MEIKIN: variants seen among roughly 807,000 people sequenced by gnomAD.
MEIKIN encodes the protein meiotic kinetochore factor.
At position 131,849,653 on chromosome 5, in the gene MEIKIN, G is replaced by C. The variant is rs141207409; in HGVS notation, c.975+1611C>G. On this transcript the variant is annotated intron_variant, in intron 11 of 12. Coordinates refer to ENST00000442687, the MANE Select transcript of MEIKIN (RefSeq NM_001303622.2). Reference sequence around the variant, plus strand: ...ACCTCTTTTCTTTATAAATTACCCAGTCTCAGGTATTTCTTTATAGCAATG... The same window carrying C: ...ACCTCTTTTCTTTATAAATTACCCACTCTCAGGTATTTCTTTATAGCAATG... Among the ~76,000 whole-genome samples the C allele has an allele frequency of 7.2e-3, 1,081 of 149,208 alleles. 45 individuals are homozygous for C. The highest frequency in any genetic ancestry group is 0.065 in the Admixed American group (963 of 14,872).
At chr5:131,819,876 C>G (rs1280018361) in intron 11 of MEIKIN, among the ~76,000 whole-genome samples, 1 of 139,270 alleles carries the variant, frequency 7.2e-6, no homozygotes, top group African/African-American at 2.7e-5. Flanking sequence ...CCCGGGTTCA[C>G]GCCATTCTCC....
At chr5:131,916,246 TCA>T (rs1561754213) in intron 7 of MEIKIN, among the ~76,000 whole-genome samples, 1 of 152,236 alleles carries the variant, frequency 6.6e-6, no homozygotes, top group African/African-American at 2.4e-5. Flanking sequence ...TTTACAATTG[TCA>T]CTGTCATTTA....
intron 11 of MEIKIN, among the ~76,000 whole-genome samples, chr5:131,839,659 T>C (rs1042141762): frequency 1.3e-5 from 2 of 152,222 alleles, no homozygotes; most frequent in African/African-American, 4.8e-5. Flanking sequence ...TGTCAGAAAC[T>C]TGGATTGCAA....
At chr5:131,865,814 T>C (rs932983598) in intron 9 of MEIKIN, among the ~76,000 whole-genome samples, 2 of 152,252 alleles carry the variant, frequency 1.3e-5, no homozygotes, top group Non-Finnish European at 2.9e-5. Flanking sequence ...ATCAGTGTTA[T>C]CTGTGATTTC....
chr5:131,844,855 G>A (rs1246717039), intron 11 of MEIKIN, among the ~76,000 whole-genome samples: 1 of 152,116 alleles, frequency 6.6e-6, no homozygotes, highest in East Asian at 1.9e-4. Context: ...GACAGTGACT[G>A]TGCATGTCTA....
chr5:131,881,753 T>C (rs1438014622), intron 8 of MEIKIN, among the ~76,000 whole-genome samples: 2 of 152,208 alleles, frequency 1.3e-5, no homozygotes, highest in Non-Finnish European at 2.9e-5. Context: ...AGATACAAAA[T>C]ATTTCCAGCA....
intron 9 of MEIKIN, among the ~76,000 whole-genome samples, chr5:131,866,061 G>C (rs1260146892): frequency 6.6e-6 from 1 of 152,232 alleles, no homozygotes; most frequent in African/African-American, 2.4e-5. Flanking sequence ...AGGCTGTGCA[G>C]GTGGGTGAAT....
At chr5:131,926,560 G>T (rs1375283298) in intron 5 of MEIKIN, among the ~76,000 whole-genome samples, 2 of 152,140 alleles carry the variant, frequency 1.3e-5, no homozygotes, top group African/African-American at 4.8e-5. Flanking sequence ...GAATTAGTTT[G>T]AAAGTGTCTT....
chr5:131,838,829 T>C (rs1248301445), intron 11 of MEIKIN, among the ~76,000 whole-genome samples: 1 of 152,098 alleles, frequency 6.6e-6, no homozygotes, highest in Non-Finnish European at 1.5e-5. Flanking sequence ...ATCTTTTGAA[T>C]GGTTTTTCAT....
chr5:131,895,895 C>T (rs1050680371), intron 8 of MEIKIN, among the ~76,000 whole-genome samples: 4 of 152,136 alleles, frequency 2.6e-5, no homozygotes, highest in African/African-American at 9.7e-5. Context: ...TTCAGTTCTG[C>T]TCTGATCTTA....
intron 12 of MEIKIN, among the ~76,000 whole-genome samples, chr5:131,808,800 G>A (rs1248389268): frequency 1.3e-5 from 2 of 152,200 alleles, no homozygotes; most frequent in African/African-American, 4.8e-5. Context: ...TTTGGGCCAA[G>A]TGTGGTGTCT....
At chr5:131,829,973 A>G (rs893225024) in intron 11 of MEIKIN, among the ~76,000 whole-genome samples, 1 of 152,224 alleles carries the variant, frequency 6.6e-6, no homozygotes, top group African/African-American at 2.4e-5. Context: ...GTTCTTTGTT[A>G]CAGCATCTTT....
At chr5:131,866,392 C>A (rs929505417) in intron 9 of MEIKIN, among the ~76,000 whole-genome samples, 1 of 152,126 alleles carries the variant, frequency 6.6e-6, no homozygotes, top group African/African-American at 2.4e-5. Context: ...CCTTTAGGCC[C>A]CCTCATGGTG....
chr5:131,922,901 A>G (rs1751529130), intron 5 of MEIKIN, among the ~76,000 whole-genome samples: 1 of 151,982 alleles, frequency 6.6e-6, no homozygotes, highest in Admixed American at 6.6e-5. Flanking sequence ...ACACACACAC[A>G]CACTTTTTTG....
At chr5:131,913,748 T>A (rs1043672152) in intron 7 of MEIKIN, among the ~76,000 whole-genome samples, 2 of 152,202 alleles carry the variant, frequency 1.3e-5, no homozygotes, top group African/African-American at 4.8e-5. Context: ...TTTGTGTTCA[T>A]CAGTAAGGCC....
At chr5:131,831,907 T>C (rs1437659054) in intron 11 of MEIKIN, among the ~76,000 whole-genome samples, 1 of 152,186 alleles carries the variant, frequency 6.6e-6, no homozygotes, top group South Asian at 2.1e-4. Flanking sequence ...GCCCCCATGA[T>C]TCAATTACCT....
At chr5:131,849,354 T>G (rs1750070431) in intron 11 of MEIKIN, among the ~76,000 whole-genome samples, 2 of 150,692 alleles carry the variant, frequency 1.3e-5, no homozygotes, top group South Asian at 4.2e-4. Flanking sequence ...TCACCATAAT[T>G]GGAACCTCTT....
chr5:131,835,198 G>GTGTGTATATATATGTGTA (rs1458270741), intron 11 of MEIKIN, among the ~76,000 whole-genome samples: 14,924 of 149,898 alleles, frequency 0.1, 1,826 homozygotes, highest in African/African-American at 0.29. Context: ...ATGTGTGTGT[G>GTGTGTATATATATGTGTA]TATATATATG....
At chr5:131,854,513 T>C (rs533854687) in intron 10 of MEIKIN, among the ~76,000 whole-genome samples, 1 of 152,282 alleles carries the variant, frequency 6.6e-6, no homozygotes, top group South Asian at 2.1e-4. Flanking sequence ...TCATCACAAT[T>C]TTTAAAACTG....
Sources: gnomAD v4.1 joint callset for allele counts (sites outside exome capture counted in the v4.1 genomes callset) on GRCh38, gnomAD v4.1.1 for gene constraint, MANE v1.5 for transcripts, NCBI Gene and HGNC (gene_info 2026-07-23, HGNC 2026-07-21) for gene names.